Variants in THSD7B observed in about 807,000 individuals in gnomAD.
THSD7B encodes the protein thrombospondin type-1 domain-containing protein 7B.
THSD7B carries 138 observed loss-of-function variants against 213.6 expected under a neutral mutation model. That is an observed-to-expected ratio of 0.65 (90% CI 0.56 to 0.74). The LOEUF is 0.74. THSD7B is among the 30% of genes least tolerant of loss of function. The pLI is 0.00. For missense variants in THSD7B, 1,931 were observed against 1,991.5 expected (o/e 0.97, Z 0.58); for synonymous variants, 742 against 687.0 (o/e 1.08, Z -1.25).
intron 6 of THSD7B, among the ~76,000 whole-genome samples, chr2:137,162,621 C>G (rs1680040472): frequency 6.6e-6 from 1 of 152,136 alleles, no homozygotes; most frequent in African/African-American, 2.4e-5. Flanking sequence ...GCTTTCTCCC[C>G]TTCGTTCTGG....
rs1225761701 is a variant in THSD7B, at chr2:136,987,873, C to T, written c.140-68547C>T. ...CTCCAGCAACATTATTAAGCCAAGA[C>T]TTCCCCACATCTTTAGATTAATATG... On this transcript the variant is annotated intron_variant, in intron 2 of 27. Coordinates refer to ENST00000409968, the MANE Select transcript of THSD7B (RefSeq NM_001316349.2). Among the ~76,000 whole-genome samples, 3 of 152,254 alleles carry T rather than the reference C, an allele frequency of 2.0e-5. No individual in the cohort carries two copies. In the South Asian group the frequency reaches 6.2e-4, roughly 32 times the overall value.
intron 9 of THSD7B, among the ~76,000 whole-genome samples, chr2:137,239,248 G>A (rs1681846013): frequency 6.6e-6 from 1 of 152,048 alleles, no homozygotes; most frequent in Admixed American, 6.5e-5. Flanking sequence ...CATAACCATA[G>A]TACATTACCA....
intron 12 of THSD7B, among the ~76,000 whole-genome samples, chr2:137,399,032 G>A (rs973037448): frequency 6.6e-6 from 1 of 152,014 alleles, no homozygotes; most frequent in African/African-American, 2.4e-5. Context: ...CTCGCGCACG[G>A]TGCGCGCACC....
intron 15 of THSD7B, among the ~76,000 whole-genome samples, chr2:137,479,176 G>A (rs1033014004): frequency 1.4e-4 from 21 of 152,212 alleles, no homozygotes; most frequent in Middle Eastern, 3.2e-3. Flanking sequence ...GTCTACACTA[G>A]TGTTAGTGGT....
chr2:136,915,823 A>G (rs1684339051), intron 2 of THSD7B, among the ~76,000 whole-genome samples: 1 of 152,220 alleles, frequency 6.6e-6, no homozygotes, highest in Non-Finnish European at 1.5e-5. Context: ...GATGGTTATA[A>G]TAAGATCTGG....
intron 2 of THSD7B, among the ~76,000 whole-genome samples, chr2:137,007,508 A>G (rs1686140150): frequency 6.6e-6 from 1 of 152,184 alleles, no homozygotes; most frequent in African/African-American, 2.4e-5. Context: ...TTCATATCAG[A>G]GAATAAACAA....
Position 137,487,303 on chromosome 2 carries a change from G to A in THSD7B, c.3138+36280G>A, listed in dbSNP as rs1688474495. 2.3e-5 allele frequency among the ~76,000 whole-genome samples: 3 copies of A among 131,122 alleles called. No homozygotes were observed. In the South Asian group the frequency reaches 7.2e-4, roughly 31 times the overall value. The allele number at this position is 131,122 out of a possible 152,430, so 86.0% of individuals were successfully genotyped here. ...GAATGGCGTGAACCCGGGAAGCGGA[G>A]CTTGCAGTGAGCCGAGATTGCGCCA... is the stretch of plus-strand genomic sequence containing the variant. On this transcript the variant is annotated intron_variant, in intron 15 of 27. Coordinates refer to ENST00000409968, the MANE Select transcript of THSD7B (RefSeq NM_001316349.2).
intron 17 of THSD7B, among the ~76,000 whole-genome samples, chr2:137,613,718 A>G (rs1226581534): frequency 1.3e-5 from 2 of 152,174 alleles, no homozygotes; most frequent in African/African-American, 4.8e-5. Context: ...ACTCTAGTGA[A>G]GAGAAGATCC....
chr2:137,360,126 A>T (rs899550432), intron 12 of THSD7B, among the ~76,000 whole-genome samples: 1 of 152,212 alleles, frequency 6.6e-6, no homozygotes, highest in Non-Finnish European at 1.5e-5. Flanking sequence ...TGAATGTAAC[A>T]GGGTCCTCGG....
At chr2:137,517,147 G>A (rs924774643) in intron 15 of THSD7B, among the ~76,000 whole-genome samples, 7 of 152,350 alleles carry the variant, frequency 4.6e-5, no homozygotes, top group African/African-American at 1.7e-4. Flanking sequence ...CCAACCAGAA[G>A]CAATTTGCAT....
At chr2:137,255,989 G>C (rs1682299353) in intron 10 of THSD7B, among the ~76,000 whole-genome samples, 1 of 152,098 alleles carries the variant, frequency 6.6e-6, no homozygotes, top group Non-Finnish European at 1.5e-5. Flanking sequence ...CATTGCCTCA[G>C]AGTGTCTGCC....
chr2:137,606,948 C>T (rs116545986), intron 17 of THSD7B, among the ~76,000 whole-genome samples: 2,983 of 152,196 alleles, frequency 0.02, 44 homozygotes, highest in Middle Eastern at 0.071. Context: ...ATGAATAAGG[C>T]TTGCTGCCTG....
At chr2:137,053,077 A>G (rs913273786) in intron 2 of THSD7B, among the ~76,000 whole-genome samples, 3 of 152,200 alleles carry the variant, frequency 2.0e-5, no homozygotes, top group Non-Finnish European at 2.9e-5. Context: ...GTCTTACCTC[A>G]TAAGAGCCAC....
chr2:137,434,547 C>A lies in THSD7B; in HGVS notation c.2960-16298C>A, dbSNP rs74493520. ...TTGAAACTGATGCCAAGTTATACAA[C>A]TTCCAAAAAGACTGGGTCTTTCACG... On this transcript the variant is annotated intron_variant, in intron 14 of 27. Coordinates refer to ENST00000409968, the MANE Select transcript of THSD7B (RefSeq NM_001316349.2). 9.1e-3 allele frequency among the ~76,000 whole-genome samples: 1,388 copies of A among 152,288 alleles called. 18 individuals carry two copies. The highest frequency in any genetic ancestry group is 0.031 in the African/African-American group (1,287 of 41,562).
intron 15 of THSD7B, among the ~76,000 whole-genome samples, chr2:137,488,297 C>G (rs1322515887): frequency 6.6e-6 from 1 of 152,000 alleles, no homozygotes; most frequent in African/African-American, 2.4e-5. Context: ...TATGTATATG[C>G]ACACACATAT....
chr2:137,272,756 G>A, intron 11 of THSD7B, 94 bp downstream of exon 11: 2 of 1,312,612 alleles, frequency 1.5e-6, no homozygotes, highest in Non-Finnish European at 2.1e-6. Context: ...TGAAAAATAA[G>A]TAAGAGGGGA....
chr2:137,204,833 GAT>G (rs1680950088), intron 7 of THSD7B, among the ~76,000 whole-genome samples: 1 of 152,002 alleles, frequency 6.6e-6, no homozygotes, highest in Non-Finnish European at 1.5e-5. Flanking sequence ...CCAGAACTCA[GAT>G]TTATTGAAAG....
At chr2:137,000,775 A>G (rs994267202) in intron 2 of THSD7B, among the ~76,000 whole-genome samples, 3 of 152,108 alleles carry the variant, frequency 2.0e-5, no homozygotes. Flanking sequence ...TGCATTTTTG[A>G]TCATTAATTA....
At chr2:136,854,114 G>T (rs545231475) in intron 1 of THSD7B, among the ~76,000 whole-genome samples, 1 of 152,226 alleles carries the variant, frequency 6.6e-6, no homozygotes, top group Admixed American at 6.5e-5. Flanking sequence ...TACCAGATCA[G>T]GTTACTCAGT....
Sources: gnomAD v4.1 joint callset for allele counts (sites outside exome capture counted in the v4.1 genomes callset) on GRCh38, gnomAD v4.1.1 for gene constraint, MANE v1.5 for transcripts, NCBI Gene and HGNC (gene_info 2026-07-23, HGNC 2026-07-21) for gene names.